ETS1: variants seen among roughly 807,000 people sequenced by gnomAD.
ETS1 encodes ETS proto-oncogene 1, transcription factor.
Under a neutral mutation model 58.6 loss-of-function variants are expected in ETS1, and 15 were observed. The observed-to-expected ratio is 0.26, with a 90% CI of 0.17 to 0.39. ETS1 has a LOEUF of 0.39. Ranked by LOEUF, ETS1 falls within the 10% of genes least tolerant of loss-of-function variation. The pLI, the probability that ETS1 is intolerant of heterozygous loss-of-function variation, is 1.00. For synonymous variants in ETS1, 214 were observed against 218.2 expected (o/e 0.98, Z 0.17); for missense variants, 417 against 610.5 (o/e 0.68, Z 3.34).
intron 8 of ETS1, among the ~76,000 whole-genome samples, chr11:128,478,366 AGGAAGGGAG>A (rs1862385654): frequency 1.8e-4 from 2 of 11,320 alleles, no homozygotes; most frequent in Admixed American, 2.2e-3. Context: ...GGAAGGAGGA[AGGAAGGGAG>A]GGAGGGAGGA....
intron 3 of ETS1, among the ~76,000 whole-genome samples, chr11:128,493,689 G>A (rs182318208): frequency 1.2e-4 from 18 of 152,252 alleles, no homozygotes; most frequent in Non-Finnish European, 2.4e-4. Context: ...CCTATAAAGT[G>A]TGGAATTGTA....
chr11:128,574,275 G>A (rs776780145), intron 1 of ETS1, among the ~76,000 whole-genome samples: 19 of 152,186 alleles, frequency 1.2e-4, no homozygotes, highest in Non-Finnish European at 2.4e-4. Flanking sequence ...ACTTATCCTA[G>A]AACTATACTT....
chr11:128,548,641 C>T (rs1432882295), intron 3 of ETS1, among the ~76,000 whole-genome samples: 2 of 152,260 alleles, frequency 1.3e-5, no homozygotes, highest in African/African-American at 4.8e-5. Context: ...TCTTAAGCCC[C>T]GCTTGGGGCC....
intron 2 of ETS1, among the ~76,000 whole-genome samples, chr11:128,556,859 C>T (rs1386696606): frequency 6.6e-6 from 1 of 151,348 alleles, no homozygotes; most frequent in Non-Finnish European, 1.5e-5. Context: ...TGATACATGC[C>T]AAAGGAAAAA....
chr11:128,584,977 A>AGAAAGAAAGAAAGAAAGAAAG (rs1555092866), intron 1 of ETS1, among the ~76,000 whole-genome samples: 772 of 18,292 alleles, frequency 0.042, 83 homozygotes, highest in Non-Finnish European at 0.055. Flanking sequence ...AAAGAAAGAA[A>AGAAAGAAAGAAAGAAAGAAAG]GAAAGAAAGA....
chr11:128,578,845 A>G (rs1864805398), intron 1 of ETS1, among the ~76,000 whole-genome samples: 1 of 152,228 alleles, frequency 6.6e-6, no homozygotes, highest in African/African-American at 2.4e-5. Context: ...ATTCTATTGT[A>G]TGTATATATC....
chr11:128,568,668 G>A (rs1011512829), intron 2 of ETS1, among the ~76,000 whole-genome samples: 11 of 152,208 alleles, frequency 7.2e-5, no homozygotes, highest in East Asian at 3.8e-4. Flanking sequence ...CTGAGGCAGA[G>A]AATGTGAATT....
At chr11:128,487,027 G>A (rs1321598795) in intron 5 of ETS1, among the ~76,000 whole-genome samples, 1 of 152,210 alleles carries the variant, frequency 6.6e-6, no homozygotes, top group Non-Finnish European at 1.5e-5. Context: ...TGCCTGCACA[G>A]AAAAACAGTT....
intron 8 of ETS1, among the ~76,000 whole-genome samples, chr11:128,478,057 C>T (rs527572090): frequency 6.6e-6 from 1 of 152,142 alleles, no homozygotes; most frequent in South Asian, 2.1e-4. Context: ...ATTATTCTCG[C>T]CATCACATGA....
intron 3 of ETS1, among the ~76,000 whole-genome samples, chr11:128,495,950 T>G (rs868138577): frequency 2.0e-5 from 3 of 152,044 alleles, no homozygotes; most frequent in African/African-American, 4.8e-5. Context: ...TACTCAAAAT[T>G]TATCAATACT....
intron 2 of ETS1, among the ~76,000 whole-genome samples, chr11:128,557,091 C>T (rs1470852102): frequency 6.6e-6 from 1 of 152,192 alleles, no homozygotes; most frequent in East Asian, 1.9e-4. Context: ...TCATGTTTTG[C>T]TGTGTTTAAA....
At chr11:128,484,512 T>C (rs1296108307) in intron 7 of ETS1, among the ~76,000 whole-genome samples, 1 of 152,214 alleles carries the variant, frequency 6.6e-6, no homozygotes, top group South Asian at 2.1e-4. Context: ...AAATAGAGCA[T>C]ACCTTTCAAA....
intron 7 of ETS1, among the ~76,000 whole-genome samples, chr11:128,483,522 C>G (rs1187750986): frequency 6.6e-6 from 1 of 152,034 alleles, no homozygotes. Flanking sequence ...AGACATGCAC[C>G]CAAAAATAAA....
At chr11:128,576,084 T>C (rs1271091533) in intron 1 of ETS1, among the ~76,000 whole-genome samples, 3 of 152,360 alleles carry the variant, frequency 2.0e-5, no homozygotes, top group Non-Finnish European at 2.9e-5. Context: ...CTTGAAGCTA[T>C]GACTGTATGA....
intron 3 of ETS1, among the ~76,000 whole-genome samples, chr11:128,496,403 G>C (rs887014936): frequency 4.6e-5 from 7 of 152,018 alleles, no homozygotes; most frequent in Non-Finnish European, 1.0e-4. Context: ...TGTAACTAAA[G>C]TGTACAAAAC....
intron 3 of ETS1, among the ~76,000 whole-genome samples, chr11:128,495,528 G>T (rs1382448105): frequency 6.6e-6 from 1 of 152,180 alleles, no homozygotes; most frequent in Non-Finnish European, 1.5e-5. Context: ...TGAAAACCTG[G>T]CTTCCTTCTC....
intron 3 of ETS1, among the ~76,000 whole-genome samples, chr11:128,541,450 T>C (rs753782527): frequency 1.3e-5 from 2 of 152,170 alleles, no homozygotes; most frequent in Non-Finnish European, 2.9e-5. Context: ...TATCAAATCC[T>C]CTGCTCTGTG....
chr11:128,496,667 A>G (rs1350440672), intron 3 of ETS1, among the ~76,000 whole-genome samples: 1 of 152,228 alleles, frequency 6.6e-6, no homozygotes, highest in Non-Finnish European at 1.5e-5. Context: ...GAATGTGCAA[A>G]GGAATCTCAA....
intron 1 of ETS1, among the ~76,000 whole-genome samples, chr11:128,587,154 G>A (rs1284719201): frequency 7.5e-5 from 10 of 132,824 alleles, no homozygotes; most frequent in Admixed American, 7.1e-4. Flanking sequence ...TATTTCTTTG[G>A]AAGTGCTCCA....
Sources: allele counts gnomAD v4.1 joint callset (sites outside exome capture counted in the v4.1 genomes callset), GRCh38; gene constraint gnomAD v4.1.1; transcripts MANE v1.5; gene names NCBI Gene and HGNC (gene_info 2026-07-23, HGNC 2026-07-21).